Variants in HHAT observed in about 807,000 individuals in gnomAD.
HHAT encodes the protein protein-cysteine N-palmitoyltransferase HHAT.
In HHAT, 47 loss-of-function variants were observed where a neutral mutation model predicts 70.8. That is an observed-to-expected ratio of 0.66 (90% CI 0.53 to 0.85). HHAT has a LOEUF of 0.85. Ranked by LOEUF, HHAT falls within the 40% of genes least tolerant of loss-of-function variation. The pLI is 0.00. For synonymous variants in HHAT, 228 were observed against 247.6 expected, an observed-to-expected ratio of 0.92 and a Z score of 0.74; for missense variants, 609 against 604.8, an observed-to-expected ratio of 1.01 and a Z score of -0.07.
At chr1:210,410,549 A>G (rs1291458269) in intron 6 of HHAT, among the ~76,000 whole-genome samples, 2 of 100,222 alleles carry the variant, frequency 2.0e-5, no homozygotes, top group Non-Finnish European at 3.9e-5. Context: ...TTTTTTTAAG[A>G]TAGAGTCTCA....
chr1:210,509,514 C>T (rs963159378), intron 8 of HHAT, among the ~76,000 whole-genome samples: 3 of 152,138 alleles, frequency 2.0e-5, no homozygotes, highest in Non-Finnish European at 4.4e-5. Flanking sequence ...CCCTAACTAA[C>T]AATCACTTAA....
At chr1:210,669,967 G>A (rs893979796) in intron 11 of HHAT, among the ~76,000 whole-genome samples, 6 of 152,096 alleles carry the variant, frequency 3.9e-5, no homozygotes, top group African/African-American at 1.2e-4. Flanking sequence ...GGTGGAGAAG[G>A]GAAAGCCTGG....
intron 9 of HHAT, among the ~76,000 whole-genome samples, chr1:210,546,669 C>T (rs2095486206): frequency 6.6e-6 from 1 of 152,140 alleles, no homozygotes; most frequent in Non-Finnish European, 1.5e-5. Flanking sequence ...AATGATAACC[C>T]AGCACTTGTG....
intron 9 of HHAT, 139 bp from the exon 10 acceptor site, chr1:210,587,759 C>G: frequency 1.5e-6 from 1 of 682,324 alleles, no homozygotes. Context: ...ATGGAGAATC[C>G]AAGGAATCTG....
intron 8 of HHAT, among the ~76,000 whole-genome samples, chr1:210,504,843 A>G (rs138590427): frequency 6.6e-6 from 1 of 151,990 alleles, no homozygotes; most frequent in Non-Finnish European, 1.5e-5. Context: ...ATGCTAGTCT[A>G]AGTGTCTAAG....
intron 6 of HHAT, 50 bp downstream of exon 6, chr1:210,404,729 C>A (rs548163359): frequency 2.1e-6 from 3 of 1,460,402 alleles, no homozygotes; most frequent in South Asian, 2.3e-5. Flanking sequence ...AAGCCTTTGT[C>A]GCTGTTGCTC....
chr1:210,353,231 C>T (rs116250873), intron 2 of HHAT, among the ~76,000 whole-genome samples: 265 of 152,138 alleles, frequency 1.7e-3, no homozygotes, highest in African/African-American at 5.9e-3. Context: ...CCACCACGCC[C>T]GGCCCCTCTC....
intron 6 of HHAT, among the ~76,000 whole-genome samples, chr1:210,411,074 CAT>C (rs542924274): frequency 3.9e-5 from 6 of 152,174 alleles, no homozygotes; most frequent in Non-Finnish European, 7.3e-5. Context: ...TTAGAATGCA[CAT>C]GTTTGAGGAG....
intron 7 of HHAT, among the ~76,000 whole-genome samples, chr1:210,423,932 G>T (rs2092980959): frequency 6.6e-6 from 1 of 152,092 alleles, no homozygotes; most frequent in Admixed American, 6.5e-5. Flanking sequence ...TGCTGTTTTG[G>T]TTACTACAGT....
intron 7 of HHAT, among the ~76,000 whole-genome samples, chr1:210,440,401 G>T (rs2093478053): frequency 6.6e-6 from 1 of 151,668 alleles, no homozygotes; most frequent in African/African-American, 2.4e-5. Flanking sequence ...GTCCCAAGCA[G>T]AGTGAGGAGG....
In HHAT at chr1:210,474,184, C is replaced by T. The variant is rs572023090; in HGVS notation, c.1007+9529C>T. Among the ~76,000 whole-genome samples, 16 of 152,290 alleles carry T rather than the reference C, an allele frequency of 1.1e-4. 1 individual carries two copies. In the South Asian group the frequency reaches 1.7e-3, roughly 16 times the overall value. ...ACCACCCCCCATAGAATCCCTGCCT[C>T]CTAGCATGGGGGCTGGCACATAGTA... On this transcript the variant is annotated intron_variant, in intron 8 of 11. Coordinates refer to ENST00000261458, the MANE Select transcript of HHAT (RefSeq NM_018194.6).
chr1:210,583,993 C>CCCAGGCTG (rs1659859142), intron 9 of HHAT, among the ~76,000 whole-genome samples: 1 of 113,386 alleles, frequency 8.8e-6, no homozygotes, highest in Non-Finnish European at 1.7e-5. Flanking sequence ...CACTCTGTTG[C>CCCAGGCTG]CCAGGCTGGA....
At chr1:210,628,337 A>G (rs189039856) in intron 11 of HHAT, among the ~76,000 whole-genome samples, 180 of 152,220 alleles carry the variant, frequency 1.2e-3, no homozygotes, top group Non-Finnish European at 2.1e-3. Flanking sequence ...AAAAGAAAAA[A>G]AAGGAAAACC....
At chr1:210,520,548 A>C (rs920064256) in intron 9 of HHAT, among the ~76,000 whole-genome samples, 7 of 151,754 alleles carry the variant, frequency 4.6e-5, no homozygotes, top group African/African-American at 1.7e-4. Context: ...TGTGGTTACT[A>C]TGGGACTAAC....
At chr1:210,647,230 T>G (rs1005321865) in intron 11 of HHAT, among the ~76,000 whole-genome samples, 9 of 152,226 alleles carry the variant, frequency 5.9e-5, no homozygotes, top group African/African-American at 2.2e-4. Flanking sequence ...TCTTTTCTTC[T>G]GATGAGGACA....
intron 9 of HHAT, among the ~76,000 whole-genome samples, chr1:210,579,248 A>G (rs1051991623): frequency 1.4e-4 from 21 of 152,284 alleles, no homozygotes; most frequent in African/African-American, 3.9e-4. Context: ...ACATGAGTTT[A>G]CCTATATAAC....
rs1472183131 is a variant in HHAT, at chr1:210,587,948, T to G, written c.1094T>G (p.Leu365Arg). The change falls in exon 10 of 12, where the codon CTG (leucine) becomes CGG (arginine). Residue 365 changes from leucine (L) to arginine (R), a missense_variant. Physicochemically the swap from Leu to Arg is moderately radical, Grantham distance 102. Coordinates refer to ENST00000261458, the MANE Select transcript of HHAT (RefSeq NM_018194.6). Reference sequence around the variant, plus strand: ...TCCCAGCATGGCCTGCTGGGGACACTGTTTTCCACGGCGATGACATTTGCA... The same window carrying G: ...TCCCAGCATGGCCTGCTGGGGACACGGTTTTCCACGGCGATGACATTTGCA... ...GGSQHGLLGT[L>R]FSTAMTFAFV... is the part of the protein sequence containing the mutation. 1 of 1,614,158 alleles carries G rather than the reference T, an allele frequency of 6.2e-7. No individual in the cohort carries two copies. The highest frequency in any genetic ancestry group is 1.3e-5 in the African/African-American group (1 of 75,048).
In HHAT at chr1:210,513,137, T is replaced by G; in HGVS notation, c.1008-16T>G. The G allele has an allele frequency of 6.7e-7, 1 of 1,484,796 alleles. No homozygotes were observed. Among genetic ancestry groups the G allele is most frequent in the Non-Finnish European group, 9.3e-7 (1 of 1,071,398 alleles). The allele number at this position is 1,484,796 out of a possible 1,614,324, so 92.0% of individuals were successfully genotyped here. A position where few individuals can be genotyped will look rare whatever the true frequency, so the allele number is the denominator to read the frequency against. Reference sequence around the variant, plus strand: ...TATCTTTTATTGATATGCTTGTCTATGTCTCTTTTGAACAGGTATTTTGAT... The same window carrying G: ...TATCTTTTATTGATATGCTTGTCTAGGTCTCTTTTGAACAGGTATTTTGAT... On this transcript the variant is annotated splice_polypyrimidine_tract_variant and intron_variant, in intron 8 of 11. Coordinates refer to ENST00000261458, the MANE Select transcript of HHAT (RefSeq NM_018194.6).
At chr1:210,430,919 T>G (rs997575476) in intron 7 of HHAT, among the ~76,000 whole-genome samples, 5 of 151,976 alleles carry the variant, frequency 3.3e-5, no homozygotes, top group African/African-American at 1.2e-4. Context: ...CAAGTTTACT[T>G]ATGTTTTCAA....
Sources: gnomAD v4.1 joint callset for allele counts (sites outside exome capture counted in the v4.1 genomes callset) on GRCh38, gnomAD v4.1.1 for gene constraint, MANE v1.5 for transcripts, NCBI Gene and HGNC (gene_info 2026-07-23, HGNC 2026-07-21) for gene names.